The following LMO7 variants were observed in gnomAD, a reference collection of about 807,000 sequenced individuals.
LMO7 encodes the protein LIM domain 7.
Under a neutral mutation model 206.5 loss-of-function variants are expected in LMO7, and 120 were observed. That is an observed-to-expected ratio of 0.58 (90% CI 0.50 to 0.68). LMO7 has a LOEUF of 0.68. Among genes scored for constraint, LMO7 ranks in the 30% least tolerant of loss-of-function variants. LMO7 has a pLI of 0.00. For missense variants in LMO7, 1,959 were observed against 1,957.9 expected, an observed-to-expected ratio of 1.00 and a Z score of -0.01; for synonymous variants, 706 against 681.5, an observed-to-expected ratio of 1.04 and a Z score of -0.56.
chr13:75,842,198 C>G (rs1343212590), intron 24 of LMO7, among the ~76,000 whole-genome samples: 2 of 152,196 alleles, frequency 1.3e-5, no homozygotes, highest in African/African-American at 4.8e-5. Context: ...GAACCCCATC[C>G]AGCATCCTTG....
At chr13:75,720,381 T>A (rs1401287986) in intron 2 of LMO7, among the ~76,000 whole-genome samples, 1 of 152,238 alleles carries the variant, frequency 6.6e-6, no homozygotes, top group East Asian at 1.9e-4. Context: ...TTGTGCTTTT[T>A]GTGTCTTGTC....
intron 4 of LMO7, among the ~76,000 whole-genome samples, chr13:75,767,526 TAC>T (rs1234822398): frequency 5.9e-5 from 9 of 152,208 alleles, no homozygotes; most frequent in Middle Eastern, 3.4e-3. Context: ...CCTGCCTTAG[TAC>T]ACTTTTTACC....
At chr13:75,730,820 T>C (rs928049527) in intron 3 of LMO7, among the ~76,000 whole-genome samples, 1 of 132,700 alleles carries the variant, frequency 7.5e-6, no homozygotes, top group Non-Finnish European at 1.6e-5. Flanking sequence ...GAGATTCTGG[T>C]ATGTTGTGTC....
chr13:75,654,081 T>C (rs2037819949), intron 1 of LMO7, among the ~76,000 whole-genome samples: 1 of 152,150 alleles, frequency 6.6e-6, no homozygotes, highest in Non-Finnish European at 1.5e-5. Context: ...TCTTCTACCC[T>C]TTCCCCAAAT....
intron 1 of LMO7, among the ~76,000 whole-genome samples, chr13:75,703,739 T>C (rs73225950): frequency 5.1e-4 from 77 of 151,784 alleles, no homozygotes; most frequent in East Asian, 2.9e-3. Context: ...TGTGTGTGTG[T>C]GCACTGTGAG....
intron 28 of LMO7, chr13:75,854,984 A>G (rs2060803531): frequency 3.1e-6 from 1 of 325,420 alleles, no homozygotes; most frequent in South Asian, 5.2e-5. Context: ...GATCAAAGGA[A>G]GATAGTATCA....
intron 1 of LMO7, among the ~76,000 whole-genome samples, chr13:75,671,331 C>A (rs976295602): frequency 6.6e-6 from 1 of 151,858 alleles, no homozygotes; most frequent in Non-Finnish European, 1.5e-5. Context: ...ATACTACTGG[C>A]AGCATAGTAG....
intron 1 of LMO7, among the ~76,000 whole-genome samples, chr13:75,645,685 A>G (rs1214934579): frequency 2.6e-5 from 4 of 152,228 alleles, no homozygotes; most frequent in Admixed American, 1.3e-4. Context: ...ACCCTGTGTT[A>G]TGAAGAAAAT....
rs201883792 is a variant in LMO7 at position 75,834,309 on chromosome 13, A to G, written c.3148A>G (p.Lys1050Glu). Residue 1050 changes from lysine to glutamate, a missense_variant, in exon 17 of 31, where the codon AAA becomes GAA. Coordinates refer to ENST00000377534, the MANE Select transcript of LMO7 (RefSeq NM_001306080.2). ...NNTKFSYNDS[K>E]EWEEAMAKAQ... ...CACCAAGTTTTCATATAACGATTCAAAAGAGTGGGAGGAAGCCATGGCTAA... is the reference window on the plus strand; with the variant it reads ...CACCAAGTTTTCATATAACGATTCAGAAGAGTGGGAGGAAGCCATGGCTAA... The G allele has an allele frequency of 1.3e-4, 215 of 1,611,822 alleles. No homozygotes were observed. The highest frequency in any genetic ancestry group is 4.4e-5 in the Non-Finnish European group (52 of 1,178,886).
intron 26 of LMO7, among the ~76,000 whole-genome samples, chr13:75,848,803 A>G (rs1302600233): frequency 6.6e-6 from 1 of 152,120 alleles, no homozygotes; most frequent in Non-Finnish European, 1.5e-5. Flanking sequence ...CAAATGGTAG[A>G]CCTACTTATA....
intron 1 of LMO7, among the ~76,000 whole-genome samples, chr13:75,668,812 A>G (rs1284544491): frequency 7.2e-5 from 11 of 152,214 alleles, no homozygotes; most frequent in Admixed American, 3.3e-4. Flanking sequence ...CAACTTGGCT[A>G]TATCAGGGAC....
intron 1 of LMO7, among the ~76,000 whole-genome samples, chr13:75,656,088 G>A (rs1197522479): frequency 6.6e-6 from 1 of 152,156 alleles, no homozygotes; most frequent in Non-Finnish European, 1.5e-5. Context: ...AACTGTTGTG[G>A]TTATTCCCTT....
intron 1 of LMO7, among the ~76,000 whole-genome samples, chr13:75,685,890 C>CTTTT (rs551370410): frequency 1.3e-4 from 14 of 105,956 alleles, no homozygotes; most frequent in Non-Finnish European, 1.5e-4. Context: ...TTTTCTTTCT[C>CTTTT]TTTTTTTTTT....
chr13:75,652,604 C>T lies in LMO7; in HGVS notation c.69+15878C>T, dbSNP rs1287722401. 3.4e-5 allele frequency among the ~76,000 whole-genome samples: 5 copies of T among 145,730 alleles called. No individual in the cohort carries two copies. The South Asian group carries it at 1.1e-3, about 32-fold the overall frequency. ...TGCATAGCCAGTTCATTGTGTTTAA[C>T]CACAAGTTCAGTGTGTGTGTGTGTG... On this transcript the variant is annotated intron_variant, in intron 1 of 30. Coordinates refer to ENST00000377534, the MANE Select transcript of LMO7 (RefSeq NM_001306080.2).
At chr13:75,711,543 T>A (rs9318369) in intron 1 of LMO7, among the ~76,000 whole-genome samples, 11,835 of 152,224 alleles carry the variant, frequency 0.078, 1,023 homozygotes, top group African/African-American at 0.21. Flanking sequence ...AGGAAAGGGA[T>A]TTCCCGGACC....
intron 1 of LMO7, among the ~76,000 whole-genome samples, chr13:75,663,383 G>A (rs1354236616): frequency 2.1e-5 from 3 of 145,306 alleles, no homozygotes; most frequent in Non-Finnish European, 4.5e-5. Flanking sequence ...AAAGGTGAAT[G>A]TAAGAAGTAT....
chr13:75,686,120 C>T (rs1054080147), intron 1 of LMO7, among the ~76,000 whole-genome samples: 1 of 151,938 alleles, frequency 6.6e-6, no homozygotes, highest in Admixed American at 6.6e-5. Context: ...CTCAAGCAGT[C>T]CTCCCACTTC....
At chr13:75,832,984 T>C in intron 15 of LMO7, 67 bp from the exon 16 acceptor site, 1 of 838,892 alleles carries the variant, frequency 1.2e-6, no homozygotes, top group Non-Finnish European at 2.1e-6. Context: ...CCTCCTTTCA[T>C]GGATAGACTT....
At position 75,858,298 on chromosome 13, in the gene LMO7, A is replaced by T. The variant is rs185938979; in HGVS notation, c.*355A>T. The T allele has an allele frequency of 5.4e-4, 113 of 210,214 alleles. 1 individual carries two copies. The highest frequency in any genetic ancestry group is 9.0e-4 in the Non-Finnish European group (95 of 106,136). 13.0% of individuals were successfully genotyped at this position (210,214 alleles called of 1,614,324 possible). A position where few individuals can be genotyped will look rare whatever the true frequency, so the allele number is the denominator to read the frequency against. ...TGAAGAGGGTATTTTATTGTTTTTT[A>T]AAAAAAGGTTCTTAAACATTATTTG... On this transcript the variant is annotated 3_prime_UTR_variant, in exon 31 of 31. Transcript: ENST00000377534.
Sources: allele counts gnomAD v4.1 joint callset (sites outside exome capture counted in the v4.1 genomes callset), GRCh38; gene constraint gnomAD v4.1.1; transcripts MANE v1.5; gene names NCBI Gene and HGNC (gene_info 2026-07-23, HGNC 2026-07-21).